The following SNX13 variants were observed in gnomAD, a reference collection of about 807,000 sequenced individuals.
SNX13 encodes sorting nexin-13.
Under a neutral mutation model 133.6 loss-of-function variants are expected in SNX13, and 45 were observed. That is an observed-to-expected ratio of 0.34 (90% CI 0.27 to 0.43). The LOEUF (loss-of-function observed/expected upper bound fraction) is 0.43. SNX13 is among the 20% of genes least tolerant of loss of function. SNX13 has a pLI of 1.00. For missense variants in SNX13, 1,032 were observed against 1,145.1 expected (o/e 0.90, Z 1.43); for synonymous variants, 414 against 373.9 (o/e 1.11, Z -1.24).
intron 11 of SNX13, 53 bp downstream of exon 11, chr7:17,850,294 C>A: frequency 3.4e-6 from 4 of 1,177,924 alleles, no homozygotes; most frequent in Non-Finnish European, 4.6e-6. Flanking sequence ...CATTTTTAAT[C>A]CCTATAGTAT....
intron 1 of SNX13, among the ~76,000 whole-genome samples, chr7:17,928,731 T>TCAGGGTATG (rs1164882258): frequency 6.6e-6 from 1 of 152,202 alleles, no homozygotes; most frequent in Non-Finnish European, 1.5e-5. Context: ...AAGATAACTT[T>TCAGGGTATG]CAGGGTATGT....
intron 17 of SNX13, among the ~76,000 whole-genome samples, chr7:17,822,107 A>G (rs1049100860): frequency 1.3e-5 from 2 of 152,178 alleles, no homozygotes; most frequent in Non-Finnish European, 2.9e-5. Context: ...CTTTTCAACT[A>G]AACAGCAACA....
chr7:17,850,469 T>A, intron 10 of SNX13, 34 bp from the exon 11 acceptor site: 1 of 1,292,178 alleles, frequency 7.7e-7, no homozygotes, highest in Non-Finnish European at 1.1e-6. Flanking sequence ...TAGAAAGTGG[T>A]AGTGTTATTT....
chr7:17,931,960 G>A (rs1801438003), intron 1 of SNX13, among the ~76,000 whole-genome samples: 1 of 152,112 alleles, frequency 6.6e-6, no homozygotes. Context: ...AAGAGACTGT[G>A]GTAGCAGCTG....
chr7:17,831,685 A>T (rs1446050756), intron 15 of SNX13: 1 of 984,090 alleles, frequency 1.0e-6, no homozygotes, highest in Admixed American at 6.2e-5. Flanking sequence ...TTAGATAATT[A>T]TTTCAGAATG....
intron 5 of SNX13, chr7:17,888,475 T>C (rs1796259576): frequency 9.4e-6 from 2 of 212,180 alleles, no homozygotes; most frequent in Non-Finnish European, 1.9e-5. Flanking sequence ...GATTATAAAA[T>C]ATTTAATTGG....
intron 1 of SNX13, among the ~76,000 whole-genome samples, chr7:17,913,312 G>A (rs1799202047): frequency 6.6e-6 from 1 of 152,184 alleles, no homozygotes; most frequent in Non-Finnish European, 1.5e-5. Flanking sequence ...GACAGCAGTG[G>A]CTCTTCCCAC....
At chr7:17,858,058 C>T (rs1253105233) in intron 9 of SNX13, among the ~76,000 whole-genome samples, 2 of 152,094 alleles carry the variant, frequency 1.3e-5, no homozygotes, top group Admixed American at 1.3e-4. Context: ...ATATGACAAA[C>T]TCACAGTTAA....
chr7:17,850,764 A>G (rs1411283508), intron 10 of SNX13, 62 bp downstream of exon 10: 14 of 1,302,568 alleles, frequency 1.1e-5, no homozygotes, highest in Non-Finnish European at 1.4e-5. Flanking sequence ...TAAATTAATC[A>G]AAGTTTTGAA....
intron 20 of SNX13, among the ~76,000 whole-genome samples, chr7:17,807,606 C>A (rs1330915756): frequency 6.6e-6 from 1 of 152,230 alleles, no homozygotes; most frequent in Non-Finnish European, 1.5e-5. Flanking sequence ...GCACAGCGAT[C>A]GAGCTCTGCT....
intron 16 of SNX13, among the ~76,000 whole-genome samples, chr7:17,827,551 T>C (rs1265689979): frequency 6.6e-6 from 1 of 151,944 alleles, no homozygotes; most frequent in Non-Finnish European, 1.5e-5. Context: ...AGAAGCAAAA[T>C]GTGATAATTC....
intron 12 of SNX13, 142 bp downstream of exon 12, chr7:17,845,453 T>A (rs904019116): frequency 7.1e-6 from 4 of 561,668 alleles, no homozygotes; most frequent in Non-Finnish European, 1.2e-5. Context: ...GGAGACTCTG[T>A]ACAACATCAT....
At chr7:17,834,677 G>A (rs4721661) in intron 14 of SNX13, 84 bp downstream of exon 14, 464,447 of 829,180 alleles carry the variant, frequency 0.56, 135,444 homozygotes, top group African/African-American at 0.89. Flanking sequence ...TCTACTTTTA[G>A]AAAGTTTTTA....
At chr7:17,863,497 A>C (rs547710245) in intron 9 of SNX13, among the ~76,000 whole-genome samples, 1 of 152,166 alleles carries the variant, frequency 6.6e-6, no homozygotes, top group Non-Finnish European at 1.5e-5. Flanking sequence ...AGTAAAACCA[A>C]AAACCAGGCA....
chr7:17,907,433 T>C (rs1214749014), intron 1 of SNX13: 1 of 152,188 alleles, frequency 6.6e-6, no homozygotes, highest in Non-Finnish European at 1.5e-5. Context: ...GAGAAAGGGA[T>C]CAGAAACTGA....
intron 5 of SNX13, among the ~76,000 whole-genome samples, chr7:17,884,083 GAC>G (rs1795686402): frequency 6.6e-6 from 1 of 152,076 alleles, no homozygotes; most frequent in South Asian, 2.1e-4. Flanking sequence ...TCCTGCAACA[GAC>G]AGTTTTATAG....
At chr7:17,867,330 G>C (rs1427700621) in intron 9 of SNX13, among the ~76,000 whole-genome samples, 1 of 152,154 alleles carries the variant, frequency 6.6e-6, no homozygotes, top group Non-Finnish European at 1.5e-5. Flanking sequence ...ACAGCAGCCA[G>C]GCACAATGGC....
At chr7:17,936,637 T>C (rs1016167672) in intron 1 of SNX13, among the ~76,000 whole-genome samples, 4 of 152,194 alleles carry the variant, frequency 2.6e-5, no homozygotes, top group African/African-American at 9.6e-5. Flanking sequence ...TAATAATAAA[T>C]GCTCAGAATT....
chr7:17,897,473 A>G (rs1797333064), intron 1 of SNX13, 27 bp from the exon 2 acceptor site: 8 of 1,272,298 alleles, frequency 6.3e-6, no homozygotes, highest in Admixed American at 4.8e-5. Flanking sequence ...ATATAAGTAA[A>G]TTAGTAAATA....
Sources: gnomAD v4.1 joint callset for allele counts (sites outside exome capture counted in the v4.1 genomes callset) on GRCh38, gnomAD v4.1.1 for gene constraint, MANE v1.5 for transcripts, NCBI Gene and HGNC (gene_info 2026-07-23, HGNC 2026-07-21) for gene names.